Variants in TNR observed in about 807,000 individuals in gnomAD.
TNR encodes tenascin-R.
In TNR, 45 loss-of-function variants were observed where a neutral mutation model predicts 150.4. The observed-to-expected ratio is 0.30, with a 90% CI of 0.24 to 0.38. TNR has a LOEUF of 0.38. Among genes scored for constraint, TNR ranks in the 10% least tolerant of loss-of-function variants. TNR has a pLI of 1.00. For missense variants in TNR, 1,544 were observed against 1,759.1 expected, an observed-to-expected ratio of 0.88 and a Z score of 2.19; for synonymous variants, 687 against 678.4, an observed-to-expected ratio of 1.01 and a Z score of -0.20.
chr1:175,471,120 G>A (rs1057314301), intron 2 of TNR, among the ~76,000 whole-genome samples: 1 of 152,176 alleles, frequency 6.6e-6, no homozygotes, highest in South Asian at 2.1e-4. Flanking sequence ...TAAATACACC[G>A]CAATTAGTAA....
At chr1:175,341,079 A>G (rs1290518297) in intron 18 of TNR, among the ~76,000 whole-genome samples, 1 of 152,194 alleles carries the variant, frequency 6.6e-6, no homozygotes, top group African/African-American at 2.4e-5. Flanking sequence ...AATAATAAAG[A>G]ACACACTGGT....
In TNR at chr1:175,660,663, A is replaced by T. The variant is rs556765934; in HGVS notation, c.-165+82563T>A. ...AAAAATACCCAGAATTATCACAGAC[A>T]TTGGAGAGGGAGTGAGAAGTTGGTG... On this transcript the variant is annotated intron_variant, in intron 1 of 22. Transcript: ENST00000367674. Among the ~76,000 whole-genome samples the T allele has an allele frequency of 3.3e-5, 5 of 152,356 alleles. No individual in the cohort carries two copies. The South Asian group carries it at 1.0e-3, about 32-fold the overall frequency.
chr1:175,636,542 T>TTC (rs1664496852), intron 1 of TNR, among the ~76,000 whole-genome samples: 1 of 152,178 alleles, frequency 6.6e-6, no homozygotes, highest in Admixed American at 6.5e-5. Flanking sequence ...TAGATTCTCT[T>TTC]GTAGACTAAA....
At chr1:175,363,360 G>C (rs2629478) in intron 13 of TNR, among the ~76,000 whole-genome samples, 3,004 of 152,292 alleles carry the variant, frequency 0.02, 109 homozygotes, top group African/African-American at 0.069. Context: ...CATCCCTCTG[G>C]ATCCTAGTCT....
chr1:175,502,274 T>C lies in TNR; in HGVS notation c.-64+25995A>G, dbSNP rs1397740896. Among the ~76,000 whole-genome samples, 5 of 152,182 alleles carry C rather than the reference T, an allele frequency of 3.3e-5. No homozygotes were observed. The South Asian group carries it at 1.0e-3, about 31-fold the overall frequency. ...GCACCAAAGTTTGGGAACTCTGATG[T>C]GCAGAATGCTGGAGTGCTCTATTCG... On this transcript the variant is annotated intron_variant, in intron 2 of 22. Coordinates refer to ENST00000367674, the MANE Select transcript of TNR (RefSeq NM_003285.3).
chr1:175,668,692 C>T (rs1254324892), intron 1 of TNR, among the ~76,000 whole-genome samples: 1 of 152,136 alleles, frequency 6.6e-6, no homozygotes, highest in East Asian at 1.9e-4. Context: ...CTACCGTGAC[C>T]GGCACCATGC....
At chr1:175,384,783 G>A (rs1293285433) in intron 8 of TNR, among the ~76,000 whole-genome samples, 1 of 152,218 alleles carries the variant, frequency 6.6e-6, no homozygotes, top group Non-Finnish European at 1.5e-5. Flanking sequence ...GGAGAGACTT[G>A]CCTAGGTCCA....
intron 1 of TNR, among the ~76,000 whole-genome samples, chr1:175,724,605 G>A (rs1667428465): frequency 6.6e-6 from 1 of 152,154 alleles, no homozygotes; most frequent in Admixed American, 6.5e-5. Flanking sequence ...TCCTTGACCT[G>A]AAGGGTGGTT....
Position 175,323,215 on chromosome 1 carries a change from C to A in TNR, c.*142G>T. 1.8e-6 allele frequency: 2 copies of A among 1,092,084 alleles called. No homozygotes were observed. Among genetic ancestry groups the A allele is most frequent in the Non-Finnish European group, 1.3e-6 (1 of 789,070 alleles). The allele number at this position is 1,092,084 out of a possible 1,614,324, so 67.6% of individuals were successfully genotyped here. A position where few individuals can be genotyped will look rare whatever the true frequency, so the allele number is the denominator to read the frequency against. On this transcript the variant is annotated 3_prime_UTR_variant, in exon 23 of 23. Transcript: ENST00000367674. ...GAAACCAAGAGCAGATGTTAGCCAG[C>A]GGATTCCTGCGACATCCCTGCTTCC... is the stretch of plus-strand genomic sequence containing the variant.
At chr1:175,500,945 G>C (rs1658708049) in intron 2 of TNR, among the ~76,000 whole-genome samples, 1 of 152,222 alleles carries the variant, frequency 6.6e-6, no homozygotes, top group South Asian at 2.1e-4. Flanking sequence ...TTGTGCTCCA[G>C]TGGGTTAGAG....
At chr1:175,416,777 G>C (rs188739558) in intron 2 of TNR, among the ~76,000 whole-genome samples, 1 of 152,286 alleles carries the variant, frequency 6.6e-6, no homozygotes, top group Admixed American at 6.5e-5. Flanking sequence ...GGGAGGCCAA[G>C]ACGGGCGGAT....
At chr1:175,477,894 G>A (rs1040992018) in intron 2 of TNR, among the ~76,000 whole-genome samples, 2 of 152,246 alleles carry the variant, frequency 1.3e-5, no homozygotes, top group South Asian at 2.1e-4. Flanking sequence ...GATCATCCTC[G>A]GGGGTATGGA....
At chr1:175,471,368 G>A (rs187872992) in intron 2 of TNR, among the ~76,000 whole-genome samples, 14 of 152,284 alleles carry the variant, frequency 9.2e-5, no homozygotes, top group Admixed American at 3.9e-4. Context: ...GTCGTTAGTC[G>A]ACTGTGTGAA....
rs138130522 is a variant in TNR, at chr1:175,550,635, C to T, written c.-164-22266G>A. 1.5e-4 allele frequency among the ~76,000 whole-genome samples: 23 copies of T among 152,106 alleles called. 1 individual carries two copies. The East Asian group carries it at 4.3e-3, about 28-fold the overall frequency. On this transcript the variant is annotated intron_variant, in intron 1 of 22. Coordinates refer to ENST00000367674, the MANE Select transcript of TNR (RefSeq NM_003285.3). ...GTGCACATGTATACACACGGATATG[C>T]ACACAGCATATAATCAGCTTTTTGT...
At chr1:175,331,051 T>TTCTTTCTTTCTGTCTG (rs1557867622) in intron 20 of TNR, among the ~76,000 whole-genome samples, 3 of 106,766 alleles carry the variant, frequency 2.8e-5, no homozygotes, top group African/African-American at 1.1e-4. Context: ...CTTTCTTTCT[T>TTCTTTCTTTCTGTCTG]TCTTTCTTTC....
chr1:175,354,586 A>G (rs1571329419), intron 17 of TNR, 63 bp from the exon 18 acceptor site: 2 of 1,607,864 alleles, frequency 1.2e-6, no homozygotes, highest in East Asian at 4.5e-5. Context: ...TTGGGAAAGT[A>G]GGGAAGGGAA....
At chr1:175,647,923 C>T (rs149827941) in intron 1 of TNR, among the ~76,000 whole-genome samples, 1 of 152,282 alleles carries the variant, frequency 6.6e-6, no homozygotes, top group East Asian at 1.9e-4. Context: ...CCCTTCTCAA[C>T]TGTGTTCAAG....
At chr1:175,680,172 T>C (rs1470413412) in intron 1 of TNR, among the ~76,000 whole-genome samples, 1 of 152,186 alleles carries the variant, frequency 6.6e-6, no homozygotes, top group Non-Finnish European at 1.5e-5. Flanking sequence ...GAGATCGCGA[T>C]GTCTCTTGAA....
intron 12 of TNR, 100 bp downstream of exon 12, chr1:175,364,910 C>T (rs1557887035): frequency 1.4e-5 from 20 of 1,419,488 alleles, no homozygotes. Flanking sequence ...AGAGGAAATC[C>T]CCTACTCCTT....
Sources: allele counts gnomAD v4.1 joint callset (sites outside exome capture counted in the v4.1 genomes callset), GRCh38; gene constraint gnomAD v4.1.1; transcripts MANE v1.5; gene names NCBI Gene and HGNC (gene_info 2026-07-23, HGNC 2026-07-21).